CYP2F1: variants seen among roughly 807,000 people sequenced by gnomAD.
CYP2F1 encodes cytochrome P450 2F1.
A neutral mutation model predicts 40.4 loss-of-function variants in CYP2F1; 33 were observed. The ratio of observed to expected loss-of-function variants is 0.82; its 90% confidence interval spans 0.62 to 1.09. The LOEUF (loss-of-function observed/expected upper bound fraction) is 1.09. CYP2F1 is among the 50% of genes least tolerant of loss of function. The pLI, the probability that CYP2F1 is intolerant of heterozygous loss-of-function variation, is 0.00. For missense variants in CYP2F1, 566 were observed against 655.7 expected, an observed-to-expected ratio of 0.86 and a Z score of 1.49; for synonymous variants, 235 against 277.2, an observed-to-expected ratio of 0.85 and a Z score of 1.51.
chr19:41,116,418 A>C (rs755721234), intron 2 of CYP2F1, 37 bp from the exon 3 acceptor site: 3 of 1,608,208 alleles, frequency 1.9e-6, no homozygotes, highest in Non-Finnish European at 8.5e-7. Flanking sequence ...TCCCATGGCC[A>C]CAGGCCCCCC....
chr19:41,116,680 T>TG, intron 3 of CYP2F1, 63 bp downstream of exon 3: 1 of 1,552,180 alleles, frequency 6.4e-7, no homozygotes, highest in Non-Finnish European at 8.8e-7. Flanking sequence ...GGGGTGAGGG[T>TG]GAGAGACTGT....
Position 41,128,039 on chromosome 19 carries a change from G to A in CYP2F1, c.1433G>A (p.Gly478Asp), listed in dbSNP as rs771064736. The change falls in exon 10 of 10, where the codon GGC (glycine) becomes GAC (aspartate). Residue 478 changes from glycine (G) to aspartate (D), a missense_variant. By Grantham distance (94) the Gly-to-Asp change is moderately conservative. This residue lies in a region of CYP2F1 where 85 missense variants were observed against 84.9 expected (regional missense o/e 1.00). Transcript: ENST00000331105. ...IDLTPLSSGLGNLPRPFQLCL... is the reference protein window; with the variant it reads ...IDLTPLSSGLDNLPRPFQLCL... ...CTGACCCCACTCAGCTCAGGTCTTGGCAATTTGCCGCGGCCTTTCCAGCTG... is the reference window on the plus strand; with the variant it reads ...CTGACCCCACTCAGCTCAGGTCTTGACAATTTGCCGCGGCCTTTCCAGCTG... 8 of 1,611,208 alleles carry A rather than the reference G, an allele frequency of 5.0e-6. No homozygotes were observed. In the Admixed American group the frequency reaches 1.3e-4, roughly 27 times the overall value.
chr19:41,123,267 G>C (rs759966469), intron 7 of CYP2F1: 2 of 475,544 alleles, frequency 4.2e-6, no homozygotes, highest in Non-Finnish European at 8.2e-6. Context: ...GCGTGATCTC[G>C]ATCCGCTCAC....
chr19:41,119,484 C>T (rs1599672388), intron 3 of CYP2F1, among the ~76,000 whole-genome samples: 2 of 151,780 alleles, frequency 1.3e-5, no homozygotes, highest in African/African-American at 4.8e-5. Flanking sequence ...CGCAGTGGCT[C>T]ATGCCTGTAA....
intron 9 of CYP2F1, among the ~76,000 whole-genome samples, chr19:41,126,154 A>G (rs11879521): frequency 0.067 from 9,905 of 147,798 alleles, 747 homozygotes; most frequent in African/African-American, 0.19. Flanking sequence ...AGCCAGGGGC[A>G]GTTGCTCACA....
Position 41,128,156 on chromosome 19 carries a change from C to T in CYP2F1, c.*74C>T. 1 of 1,435,868 alleles carries T rather than the reference C, an allele frequency of 7.0e-7. No homozygotes were observed. The highest frequency in any genetic ancestry group is 9.4e-7 in the Non-Finnish European group (1 of 1,061,728). The allele number at this position is 1,435,868 out of a possible 1,614,324, so 88.9% of individuals were successfully genotyped here. ...CGGGTTGCTACGTCCCCTTCTTGGT[C>T]CACAGTCTGCCCTCATCCCTCTGGC... On this transcript the variant is annotated 3_prime_UTR_variant, in exon 10 of 10. Coordinates refer to ENST00000331105, the MANE Select transcript of CYP2F1 (RefSeq NM_000774.5).
At chr19:41,121,429 T>C in intron 4 of CYP2F1, 29 bp from the exon 5 acceptor site, 1 of 1,600,206 alleles carries the variant, frequency 6.2e-7, no homozygotes, top group Non-Finnish European at 8.5e-7. Flanking sequence ...CATCGCGTCT[T>C]CCTGATCCAT....
At position 41,120,442 on chromosome 19, in the gene CYP2F1, G is replaced by T; in HGVS notation, c.430G>T (p.Glu144Ter). The T allele has an allele frequency of 2.5e-6, 4 of 1,614,094 alleles. No individual in the cohort carries two copies. The highest frequency in any genetic ancestry group is 3.4e-6 in the Non-Finnish European group (4 of 1,179,982). ...CGGGATGGGGAAGAGAAGCATTGAG[G>T]AGCGAATCCTAGAGGAGGGCAGCTT... ...NFGMGKRSIE[E>*]RILEEGSFLL... is the part of the protein sequence containing the mutation. Residue 144 changes from glutamate (E) to a stop codon, truncating the protein, a stop_gained, in exon 4 of 10, where the codon GAG becomes TAG. Coordinates refer to ENST00000331105, the MANE Select transcript of CYP2F1 (RefSeq NM_000774.5). LOFTEE classifies it high-confidence loss of function.
chr19:41,125,281 C>T, intron 8 of CYP2F1: 2 of 613,778 alleles, frequency 3.3e-6, no homozygotes, highest in Admixed American at 6.5e-5. Flanking sequence ...TTCCCACATC[C>T]CTGCCAAAGT....
intron 1 of CYP2F1, among the ~76,000 whole-genome samples, chr19:41,115,639 T>C (rs2144743886): frequency 6.6e-6 from 1 of 152,048 alleles, no homozygotes; most frequent in South Asian, 2.1e-4. Context: ...AATAGACAGA[T>C]CAATGATAGA....
intron 3 of CYP2F1, among the ~76,000 whole-genome samples, 157 bp from the exon 4 acceptor site, chr19:41,120,190 G>A (rs936887657): frequency 6.6e-6 from 1 of 152,044 alleles, no homozygotes; most frequent in African/African-American, 2.4e-5. Context: ...GCTTGAAGGA[G>A]ACCCCTAAGC....
intron 3 of CYP2F1, among the ~76,000 whole-genome samples, chr19:41,119,991 C>T (rs1405648472): frequency 3.3e-5 from 5 of 151,792 alleles, no homozygotes; most frequent in Non-Finnish European, 5.9e-5. Flanking sequence ...TCCTGTGTGA[C>T]ACCCTCTGCA....
Position 41,122,819 on chromosome 19 carries a change from C to T in CYP2F1, c.823-3C>T, listed in dbSNP as rs1468500747. ...TCACATCCCCACCCCTCTACCAATG[C>T]AGGAGAAGGAGGACCCACTGAGCCA... On this transcript the variant is annotated splice_polypyrimidine_tract_variant and splice_region_variant and intron_variant, in intron 6 of 9. Transcript: ENST00000331105. 11 of 1,530,282 alleles carry T rather than the reference C, an allele frequency of 7.2e-6. No individual in the cohort carries two copies. The highest frequency in any genetic ancestry group is 1.4e-5 in the African/African-American group (1 of 72,288). 94.8% of individuals were successfully genotyped at this position (1,530,282 alleles called of 1,614,324 possible). A position where few individuals can be genotyped will look rare whatever the true frequency, so the allele number is the denominator to read the frequency against.
At chr19:41,125,011 C>G in intron 8 of CYP2F1, 105 bp downstream of exon 8, 1 of 998,694 alleles carries the variant, frequency 1.0e-6, no homozygotes, top group Non-Finnish European at 1.4e-6. Flanking sequence ...CACCCCAGGC[C>G]TTAGCAACTG....
In CYP2F1 at chr19:41,120,437, T is replaced by C; in HGVS notation, c.425T>C (p.Ile142Thr). ...LRNFGMGKRS[I>T]EERILEEGSF... is the part of the protein sequence containing the mutation. ...AATTTCGGGATGGGGAAGAGAAGCA[T>C]TGAGGAGCGAATCCTAGAGGAGGGC... The change falls in exon 4 of 10, where the codon ATT becomes ACT. Residue 142 changes from isoleucine to threonine, a missense_variant. By Grantham distance (89) the Ile-to-Thr change is moderately conservative. This residue lies in a region of CYP2F1 where 264 missense variants were observed against 275.7 expected (regional missense o/e 0.96). Transcript: ENST00000331105. The C allele has an allele frequency of 3.1e-6, 5 of 1,613,996 alleles. No individual in the cohort carries two copies. The highest frequency in any genetic ancestry group is 4.2e-6 in the Non-Finnish European group (5 of 1,179,968).
rs2031790061 is a variant in CYP2F1, at chr19:41,116,216, C to T, written c.28C>T (p.Leu10Phe). Reference sequence around the variant, plus strand: ...GGACAGCATAAGCACAGCCATCTTACTCCTGCTCCTGGCTCTCGTCTGTCT... The same window carrying T: ...GGACAGCATAAGCACAGCCATCTTATTCCTGCTCCTGGCTCTCGTCTGTCT... The part of the protein sequence containing the change: MDSISTAIL[L>F]LLLALVCLLL... The change falls in exon 2 of 10, where the codon CTC (leucine) becomes TTC (phenylalanine). Residue 10 changes from leucine to phenylalanine, a missense_variant. Physicochemically the swap from Leu to Phe is conservative, Grantham distance 22. Coordinates refer to ENST00000331105, the MANE Select transcript of CYP2F1 (RefSeq NM_000774.5). The T allele has an allele frequency of 6.2e-7, 1 of 1,613,990 alleles. No individual in the cohort carries two copies. Among genetic ancestry groups the T allele is most frequent in the Non-Finnish European group, 8.5e-7 (1 of 1,179,952 alleles).
At chr19:41,119,764 C>T (rs1254480158) in intron 3 of CYP2F1, among the ~76,000 whole-genome samples, 10 of 128,342 alleles carry the variant, frequency 7.8e-5, no homozygotes, top group Middle Eastern at 4.0e-3. Flanking sequence ...CACACACACA[C>T]ACACACACAC....
At chr19:41,118,646 G>T (rs1170334262) in intron 3 of CYP2F1, among the ~76,000 whole-genome samples, 1 of 152,110 alleles carries the variant, frequency 6.6e-6, no homozygotes, top group Non-Finnish European at 1.5e-5. Flanking sequence ...CATCTGGATG[G>T]GTACATCGTT....
At chr19:41,123,440 A>C in intron 7 of CYP2F1, 2 of 335,494 alleles carry the variant, frequency 6.0e-6, no homozygotes, top group East Asian at 8.3e-5. Flanking sequence ...CTGGTCTCAA[A>C]CTCCTGGCCT....
Sources: allele counts gnomAD v4.1 joint callset (sites outside exome capture counted in the v4.1 genomes callset), GRCh38; gene constraint gnomAD v4.1.1; regional missense constraint gnomAD v4.1.1; transcripts MANE v1.5; gene names NCBI Gene and HGNC (gene_info 2026-07-23, HGNC 2026-07-21).